Variants in ARFGEF3 observed in about 807,000 individuals in gnomAD.
ARFGEF3 encodes the protein brefeldin A-inhibited guanine nucleotide-exchange protein 3.
A neutral mutation model predicts 221.7 loss-of-function variants in ARFGEF3; 96 were observed. The ratio of observed to expected loss-of-function variants is 0.43; its 90% CI spans 0.37 to 0.51. ARFGEF3 has a LOEUF of 0.51. Ranked by LOEUF, ARFGEF3 falls within the 20% of genes least tolerant of loss-of-function variation. The probability of loss-of-function intolerance (pLI) is 0.00; values close to 1 mark genes in which losing one functional copy is unlikely to be tolerated. For synonymous variants in ARFGEF3, 1,145 were observed against 1,126.8 expected (o/e 1.02, Z -0.32); for missense variants, 2,410 against 2,789.9 (o/e 0.86, Z 3.07).
intron 8 of ARFGEF3, among the ~76,000 whole-genome samples, chr6:138,247,095 T>C (rs1296035490): frequency 6.6e-6 from 1 of 152,080 alleles, no homozygotes; most frequent in East Asian, 1.9e-4. Context: ...CCCTCAAATT[T>C]CTCCCATCCC....
intron 2 of ARFGEF3, among the ~76,000 whole-genome samples, chr6:138,181,741 C>T (rs570674449): frequency 2.1e-4 from 32 of 152,322 alleles, no homozygotes; most frequent in Middle Eastern, 3.4e-3. Context: ...TGCATCCAGC[C>T]TCTTCATCCC....
chr6:138,242,600 T>C (rs1267833303), intron 6 of ARFGEF3, among the ~76,000 whole-genome samples: 1 of 152,208 alleles, frequency 6.6e-6, no homozygotes, highest in East Asian at 1.9e-4. Flanking sequence ...AACTCACCTC[T>C]TCAGGTAGGC....
At position 138,298,703 on chromosome 6, in the gene ARFGEF3, A is replaced by G. The variant is rs1779567864; in HGVS notation, c.3746A>G (p.His1249Arg). The G allele has an allele frequency of 1.1e-5, 17 of 1,613,688 alleles. No homozygotes were observed. Among genetic ancestry groups the G allele is most frequent in the Non-Finnish European group, 1.4e-5 (17 of 1,179,812 alleles). The change falls in exon 22 of 34, where the codon CAT (histidine) becomes CGT (arginine). Residue 1249 changes from histidine (H) to arginine (R), a missense_variant. Around this residue, in one of 5 missense-constraint regions of ARFGEF3, gnomAD observed 723 missense variants for 991.9 expected, o/e 0.73. Transcript: ENST00000251691. ...CTCACTGACTGGAATGAGCCACCTC[A>G]TTTTCACTTCAATGAAGCACTCTTC... ...EVLTDWNEPP[H>R]FHFNEALFRP...
chr6:138,294,743 A>AGGTT (rs1779476624), intron 20 of ARFGEF3, among the ~76,000 whole-genome samples: 1 of 152,206 alleles, frequency 6.6e-6, no homozygotes, highest in African/African-American at 2.4e-5. Context: ...AAGCATTGGC[A>AGGTT]GGTTGCTCAT....
In ARFGEF3 at chr6:138,293,263, G is replaced by A. The variant is rs569401853; in HGVS notation, c.3369-730G>A. ...GGAAGGCTCACCTGGCACATTGCTC[G>A]TTGTGGCCTCATAAAACAGATATTT... On this transcript the variant is annotated intron_variant, in intron 19 of 33. Transcript: ENST00000251691. Among the ~76,000 whole-genome samples the A allele has an allele frequency of 2.0e-5, 3 of 152,298 alleles. No homozygotes were observed. In the East Asian group the frequency reaches 5.8e-4, roughly 29 times the overall value.
At chr6:138,276,428 T>C (rs148667496) in intron 12 of ARFGEF3, among the ~76,000 whole-genome samples, 1,579 of 152,336 alleles carry the variant, frequency 0.01, 13 homozygotes, top group Non-Finnish European at 0.016. Context: ...TAGTTGTTTG[T>C]TTTTTCAGTT....
chr6:138,343,834 G>A lies in ARFGEF3; in HGVS notation c.*7348G>A, dbSNP rs1197799969. ...ATTGATTTCCCACAAAATAGGCAAA[G>A]CTGAACAAAGATGAATGCTTTTGAT... On this transcript the variant is annotated 3_prime_UTR_variant, in exon 34 of 34. Coordinates refer to ENST00000251691, the MANE Select transcript of ARFGEF3 (RefSeq NM_020340.5). 6.6e-6 allele frequency: 1 copy of A among 152,174 alleles called. No homozygotes were observed. The highest frequency in any genetic ancestry group is 1.9e-4 in the East Asian group (1 of 5,200). 9.4% of individuals were successfully genotyped at this position (152,174 alleles called of 1,614,324 possible).
intron 10 of ARFGEF3, among the ~76,000 whole-genome samples, chr6:138,257,748 G>A (rs934702875): frequency 2.0e-5 from 3 of 152,068 alleles, no homozygotes; most frequent in Admixed American, 6.6e-5. Context: ...TAAGAGTCAG[G>A]GTTCAAATCC....
At chr6:138,309,584 G>A (rs1444528886) in intron 24 of ARFGEF3, among the ~76,000 whole-genome samples, 2 of 152,134 alleles carry the variant, frequency 1.3e-5, no homozygotes, top group East Asian at 1.9e-4. Flanking sequence ...CTAATCTAAG[G>A]TTGGAAATCT....
chr6:138,296,975 G>A lies in ARFGEF3; in HGVS notation c.3648+20G>A. On this transcript the variant is annotated intron_variant, in intron 21 of 33. Coordinates refer to ENST00000251691, the MANE Select transcript of ARFGEF3 (RefSeq NM_020340.5). ...GTGGAGGTGAGCACTGGGAAGGTGG[G>A]AAGAGGCTGGAACTGCTAAGTCAGT... The A allele has an allele frequency of 1.2e-6, 2 of 1,602,950 alleles. No individual in the cohort carries two copies. Among genetic ancestry groups the A allele is most frequent in the Non-Finnish European group, 8.5e-7 (1 of 1,175,588 alleles).
At chr6:138,288,252 C>A (rs1440617692) in intron 17 of ARFGEF3, among the ~76,000 whole-genome samples, 1 of 152,014 alleles carries the variant, frequency 6.6e-6, no homozygotes, top group Non-Finnish European at 1.5e-5. Context: ...GGCATGGTGG[C>A]ATGTGCCTGT....
intron 4 of ARFGEF3, chr6:138,217,951 T>A (rs755887488): frequency 1.3e-6 from 2 of 1,550,502 alleles, no homozygotes; most frequent in African/African-American, 2.7e-5. Flanking sequence ...CAACCATTTT[T>A]ATTTTTCTGG....
intron 12 of ARFGEF3, among the ~76,000 whole-genome samples, chr6:138,278,033 A>C (rs1779127937): frequency 6.6e-6 from 1 of 152,192 alleles, no homozygotes; most frequent in Admixed American, 6.5e-5. Flanking sequence ...GAGGGACAGC[A>C]GGCAGTCAGG....
At chr6:138,250,457 A>G (rs1309483188) in intron 8 of ARFGEF3, among the ~76,000 whole-genome samples, 2 of 152,226 alleles carry the variant, frequency 1.3e-5, no homozygotes, top group Non-Finnish European at 2.9e-5. Flanking sequence ...ATACCAACGC[A>G]GGCTTGGAAT....
chr6:138,286,484 T>C (rs1779297441), intron 15 of ARFGEF3, among the ~76,000 whole-genome samples: 1 of 151,888 alleles, frequency 6.6e-6, no homozygotes. Flanking sequence ...AAAAAGTAAT[T>C]GATGGAAGTT....
intron 12 of ARFGEF3, among the ~76,000 whole-genome samples, chr6:138,265,102 G>C (rs375148706): frequency 2.0e-5 from 3 of 151,936 alleles, no homozygotes; most frequent in South Asian, 2.1e-4. Flanking sequence ...ACAGGGTTTC[G>C]CTGTGTTAGC....
At chr6:138,176,043 G>A (rs140608776) in intron 2 of ARFGEF3, among the ~76,000 whole-genome samples, 7 of 152,206 alleles carry the variant, frequency 4.6e-5, no homozygotes, top group African/African-American at 9.6e-5. Context: ...TGTTTTATCT[G>A]ACATAAGTAT....
chr6:138,171,263 C>A (rs7756105), intron 2 of ARFGEF3, among the ~76,000 whole-genome samples: 151,780 of 151,780 alleles, frequency 1, 75,890 homozygotes, highest in Non-Finnish European at 1. Context: ...CATTCGCTCC[C>A]CCTGTCTGTA....
At chr6:138,233,984 C>T (rs1562362584) in intron 5 of ARFGEF3, among the ~76,000 whole-genome samples, 1 of 152,144 alleles carries the variant, frequency 6.6e-6, no homozygotes, top group African/African-American at 2.4e-5. Flanking sequence ...CCCTTTCTTT[C>T]CTGTGTGCCA....
Sources: gnomAD v4.1 joint callset for allele counts (sites outside exome capture counted in the v4.1 genomes callset) on GRCh38, gnomAD v4.1.1 for gene constraint, gnomAD v4.1.1 regional missense constraint, MANE v1.5 for transcripts, NCBI Gene and HGNC (gene_info 2026-07-23, HGNC 2026-07-21) for gene names.